The following NECAB2 variants were observed in gnomAD, a reference collection of about 807,000 sequenced individuals.
NECAB2 encodes the protein N-terminal EF-hand calcium binding protein 2, also known as N-terminal EF-hand calcium-binding protein 2.
A neutral mutation model predicts 51.9 loss-of-function variants in NECAB2; 68 were observed. That is an observed-to-expected ratio of 1.31 (90% CI 1.08 to 1.60). NECAB2 has a LOEUF of 1.60. Ranked by LOEUF, NECAB2 falls within the 40% of genes most tolerant of loss-of-function variation. The pLI is 0.00. For missense variants in NECAB2, 854 were observed against 490.3 expected, an observed-to-expected ratio of 1.74 and a Z score of -7.00; for synonymous variants, 329 against 203.5, an observed-to-expected ratio of 1.62 and a Z score of -5.25.
intron 8 of NECAB2, 84 bp from the exon 9 acceptor site, chr16:83,997,132 A>C: frequency 3.8e-6 from 6 of 1,560,472 alleles, no homozygotes; most frequent in Non-Finnish European, 5.3e-6. Context: ...AGCTCCCAAC[A>C]GCCCCAGGGA....
At chr16:83,999,705 T>G (rs1038162959) in intron 10 of NECAB2, among the ~76,000 whole-genome samples, 5 of 151,972 alleles carry the variant, frequency 3.3e-5, no homozygotes, top group Admixed American at 1.3e-4. Flanking sequence ...GGCCCCTGGG[T>G]CCCATAGAGC....
intron 8 of NECAB2, among the ~76,000 whole-genome samples, chr16:83,996,271 C>T (rs1438938095): frequency 1.3e-5 from 2 of 152,220 alleles, no homozygotes; most frequent in African/African-American, 4.8e-5. Flanking sequence ...CTTGTTCCTG[C>T]CAGGCACACC....
intron 2 of NECAB2, among the ~76,000 whole-genome samples, chr16:83,977,311 G>A (rs1307741364): frequency 6.6e-6 from 1 of 152,098 alleles, no homozygotes; most frequent in Non-Finnish European, 1.5e-5. Flanking sequence ...GAGGGGGGAG[G>A]TGGCTGCAGG....
At chr16:83,999,120 G>A (rs1006735501) in intron 10 of NECAB2, among the ~76,000 whole-genome samples, 2 of 152,182 alleles carry the variant, frequency 1.3e-5, no homozygotes, top group African/African-American at 2.4e-5. Context: ...GTCTTTGAGA[G>A]GGGTCTTCTT....
At chr16:83,991,639 C>A (rs2084627247) in intron 6 of NECAB2, among the ~76,000 whole-genome samples, 2 of 150,900 alleles carry the variant, frequency 1.3e-5, no homozygotes, top group Admixed American at 1.3e-4. Context: ...AGGCTTGAGC[C>A]ATGGAGCCCG....
rs960641672 is a variant in NECAB2 at position 83,984,121 on chromosome 16, G to A, written c.459+2994G>A. Among the ~76,000 whole-genome samples, 16 of 148,978 alleles carry A rather than the reference G, an allele frequency of 1.1e-4. No individual in the cohort carries two copies. In the South Asian group the frequency reaches 1.6e-3, roughly 15 times the overall value. ...CGCCATTCTCCTGCTTCAGCCTCCC[G>A]AGTAGCTGGGACTACAGGCGCCCGC... is the stretch of plus-strand genomic sequence containing the variant. On this transcript the variant is annotated intron_variant, in intron 5 of 12. Transcript: ENST00000305202.
In NECAB2 at chr16:83,978,429, C is replaced by T. The variant is rs747484912; in HGVS notation, c.227-15C>T. 6.2e-7 allele frequency: 1 copy of T among 1,610,110 alleles called. No homozygotes were observed. Among genetic ancestry groups the T allele is most frequent in the Non-Finnish European group, 8.5e-7 (1 of 1,176,854 alleles). On this transcript the variant is annotated splice_polypyrimidine_tract_variant and intron_variant, in intron 2 of 12. Coordinates refer to ENST00000305202, the MANE Select transcript of NECAB2 (RefSeq NM_019065.3). ...CTGCAGACACCAGCTCCTTTCTCTG[C>T]TTCCTTCCTTGCAGATGATGGGAAG...
At chr16:83,997,347 G>C in intron 9 of NECAB2, 78 bp downstream of exon 9, 1 of 1,576,466 alleles carries the variant, frequency 6.3e-7, no homozygotes, top group Non-Finnish European at 8.7e-7. Context: ...GTGGCTCAAT[G>C]CCCCTGACCC....
intron 5 of NECAB2, among the ~76,000 whole-genome samples, chr16:83,989,682 T>C (rs2084597566): frequency 6.6e-6 from 1 of 152,140 alleles, no homozygotes; most frequent in Non-Finnish European, 1.5e-5. Flanking sequence ...AAGCAGAGCT[T>C]TCTCCCTTCT....
At chr16:83,991,311 T>G (rs936373698) in intron 6 of NECAB2, among the ~76,000 whole-genome samples, 9 of 151,734 alleles carry the variant, frequency 5.9e-5, no homozygotes, top group African/African-American at 2.2e-4. Context: ...CTCTCTTTCT[T>G]TCTCTCTTTC....
chr16:83,982,155 G>GTATCAA (rs779388709), intron 5 of NECAB2, among the ~76,000 whole-genome samples: 16 of 152,166 alleles, frequency 1.1e-4, no homozygotes, highest in Non-Finnish European at 2.1e-4. Context: ...CGCTCCTACT[G>GTATCAA]TACGCTCAGC....
At position 83,996,233 on chromosome 16, in the gene NECAB2, C is replaced by T. The variant is rs74949485; in HGVS notation, c.796-983C>T. Among the ~76,000 whole-genome samples, 5 of 152,188 alleles carry T rather than the reference C, an allele frequency of 3.3e-5. No homozygotes were observed. In the East Asian group the frequency reaches 7.7e-4, roughly 23 times the overall value. Reference sequence around the variant, plus strand: ...GCTTTTCCAGCCCCAGGACCCCTCACGTATGCTTGTAAAACCATGGAAACA... The same window carrying T: ...GCTTTTCCAGCCCCAGGACCCCTCATGTATGCTTGTAAAACCATGGAAACA... On this transcript the variant is annotated intron_variant, in intron 8 of 12. Transcript: ENST00000305202.
At chr16:83,998,546 G>C (rs1485558342) in intron 10 of NECAB2, among the ~76,000 whole-genome samples, 1 of 152,142 alleles carries the variant, frequency 6.6e-6, no homozygotes. Context: ...ATCTGTAAAG[G>C]GGGGACCACC....
rs775951993 is a variant in NECAB2 at position 84,001,828 on chromosome 16, C to T, written c.1044C>T (p.His348=). ...FWETEEAWKR[H]LQSPLCKAFR... is the part of the protein sequence containing the mutation. ...CACACATGTCCCTGCGTCACAGGCA[C>T]CTGCAGAGCCCCCTGTGTAAGGCGT... Residue 348 remains histidine (H), a synonymous_variant, in exon 12 of 13, where the codon CAC becomes CAT. Coordinates refer to ENST00000305202, the MANE Select transcript of NECAB2 (RefSeq NM_019065.3). 1.2e-6 allele frequency: 2 copies of T among 1,614,078 alleles called. No homozygotes were observed. The highest frequency in any genetic ancestry group is 2.2e-5 in the East Asian group (1 of 44,878).
chr16:83,986,912 G>A (rs1436274097), intron 5 of NECAB2, among the ~76,000 whole-genome samples: 3 of 152,138 alleles, frequency 2.0e-5, no homozygotes, highest in African/African-American at 7.2e-5. Flanking sequence ...GGTTAGGGTT[G>A]AAACATTACC....
chr16:84,002,458 T>TCCACAAGAAGGTGTTTC lies in NECAB2; in HGVS notation c.*115_*131dup. 1 of 1,392,496 alleles carries TCCACAAGAAGGTGTTTC rather than the reference T, an allele frequency of 7.2e-7. No homozygotes were observed. The highest frequency in any genetic ancestry group is 1.0e-6 in the Non-Finnish European group (1 of 988,190). The allele number at this position is 1,392,496 out of a possible 1,614,324, so 86.3% of individuals were successfully genotyped here. On this transcript the variant is annotated 3_prime_UTR_variant, in exon 13 of 13. Transcript: ENST00000305202. ...GCAGAAGCTTCTTTTCAATCCATCC[T>TCCACAAGAAGGTGTTTC]CCACAAGAAGGTGTTTCCCTGTTGT... is the stretch of plus-strand genomic sequence containing the variant.
intron 6 of NECAB2, among the ~76,000 whole-genome samples, chr16:83,994,086 G>C (rs777895288): frequency 6.6e-6 from 1 of 152,198 alleles, no homozygotes; most frequent in Non-Finnish European, 1.5e-5. Flanking sequence ...AGCTGAATTC[G>C]AATCCCAGCT....
At chr16:83,997,958 G>T (rs183697358) in intron 9 of NECAB2, among the ~76,000 whole-genome samples, 1 of 152,294 alleles carries the variant, frequency 6.6e-6, no homozygotes, top group South Asian at 2.1e-4. Context: ...GGACATGGAT[G>T]GGGCCTCTGT....
chr16:83,994,320 C>T lies in NECAB2; in HGVS notation c.615C>T (p.Pro205=), dbSNP rs777106475. The part of the protein sequence containing the change: ...TSQLRQNHIK[P]SHSAAQTWCG... ...ACTGCAGACAGAACCACATCAAACC[C>T]AGCCACAGCGCGGCACAGACCTGGT... The change falls in exon 7 of 13, where the codon CCC becomes CCT. Residue 205 remains proline, a synonymous_variant. Transcript: ENST00000305202. 4 of 1,614,114 alleles carry T rather than the reference C, an allele frequency of 2.5e-6. No individual in the cohort carries two copies. The highest frequency in any genetic ancestry group is 3.4e-6 in the Non-Finnish European group (4 of 1,180,050).
Sources: allele counts gnomAD v4.1 joint callset (sites outside exome capture counted in the v4.1 genomes callset), GRCh38; gene constraint gnomAD v4.1.1; transcripts MANE v1.5; gene names NCBI Gene and HGNC (gene_info 2026-07-23, HGNC 2026-07-21).